The following B3GALT1 variants were observed in gnomAD, a reference collection of about 807,000 sequenced individuals.
The protein encoded by B3GALT1 is UDP-Gal:betaGlcNAc beta 1,3-galactosyltransferase, polypeptide 1.
In B3GALT1, 10 loss-of-function variants were observed where a neutral mutation model predicts 23.2. The ratio of observed to expected loss-of-function variants is 0.43; its 90% CI spans 0.27 to 0.73. The LOEUF (loss-of-function observed/expected upper bound fraction) is 0.73. Among genes scored for constraint, B3GALT1 ranks in the 30% least tolerant of loss-of-function variants. The pLI, the probability that B3GALT1 is intolerant of heterozygous loss-of-function variation, is 0.21. For missense variants in B3GALT1, 299 were observed against 405.4 expected (o/e 0.74, Z 2.25); for synonymous variants, 156 against 141.5 (o/e 1.10, Z -0.73).
At chr2:167,410,747 AAAAAT>A (rs559534820) in intron 1 of B3GALT1, among the ~76,000 whole-genome samples, 46 of 152,232 alleles carry the variant, frequency 3.0e-4, no homozygotes, top group African/African-American at 8.2e-4. Context: ...CTTAAAGTAA[AAAAAT>A]AAAATAAAAT....
intron 1 of B3GALT1, among the ~76,000 whole-genome samples, chr2:167,368,895 C>G (rs1041776604): frequency 2.0e-5 from 3 of 152,014 alleles, no homozygotes; most frequent in Non-Finnish European, 2.9e-5. Context: ...CATGCTTCCC[C>G]CCCCCATGTG....
chr2:167,613,299 G>C lies in B3GALT1; in HGVS notation c.-409-33610G>C, dbSNP rs934224136. ...CAGAAATGCCTAGTAATAGATAAAT[G>C]ATCAAGTAAAATATGGTACATTCAT... On this transcript the variant is annotated intron_variant, in intron 2 of 4. Coordinates refer to ENST00000392690, the MANE Select transcript of B3GALT1 (RefSeq NM_020981.4). Among the ~76,000 whole-genome samples, 3 of 151,932 alleles carry C rather than the reference G, an allele frequency of 2.0e-5. No individual in the cohort carries two copies. The East Asian group carries it at 5.8e-4, about 29-fold the overall frequency.
chr2:167,550,167 A>G (rs1683721057), intron 2 of B3GALT1, among the ~76,000 whole-genome samples: 1 of 152,202 alleles, frequency 6.6e-6, no homozygotes, highest in Non-Finnish European at 1.5e-5. Context: ...CCACTGAGGG[A>G]GTTGGAGAAA....
intron 3 of B3GALT1, among the ~76,000 whole-genome samples, chr2:167,693,914 TAGCTGGTCTG>T (rs1387712076): frequency 6.6e-6 from 1 of 152,146 alleles, no homozygotes; most frequent in Non-Finnish European, 1.5e-5. Context: ...TTCTACTAGT[TAGCTGGTCTG>T]AGCTGGGCAG....
intron 4 of B3GALT1, among the ~76,000 whole-genome samples, chr2:167,868,515 T>C (rs942752019): frequency 6.6e-6 from 1 of 150,974 alleles, no homozygotes; most frequent in Non-Finnish European, 1.5e-5. Context: ...AAATACGTCA[T>C]GTGAAGAGGG....
intron 1 of B3GALT1, among the ~76,000 whole-genome samples, chr2:167,329,135 G>A (rs1169705055): frequency 7.9e-5 from 12 of 152,156 alleles, no homozygotes; most frequent in African/African-American, 2.7e-4. Context: ...CTTTTTAAAT[G>A]TAGGTGTTTT....
intron 1 of B3GALT1, among the ~76,000 whole-genome samples, chr2:167,350,504 C>T (rs983913678): frequency 1.3e-5 from 2 of 152,172 alleles, no homozygotes; most frequent in Non-Finnish European, 2.9e-5. Context: ...TTGTGCTCAG[C>T]GTGGATGTGT....
At chr2:167,410,686 A>G (rs1297387045) in intron 1 of B3GALT1, among the ~76,000 whole-genome samples, 1 of 152,064 alleles carries the variant, frequency 6.6e-6, no homozygotes, top group African/African-American at 2.4e-5. Context: ...CCACCATGGC[A>G]CATATATACC....
intron 3 of B3GALT1, among the ~76,000 whole-genome samples, chr2:167,753,288 C>A (rs1021787191): frequency 1.3e-5 from 2 of 152,190 alleles, no homozygotes; most frequent in Admixed American, 6.5e-5. Flanking sequence ...TGCCCCTTAG[C>A]GGAAACTGTG....
intron 3 of B3GALT1, among the ~76,000 whole-genome samples, chr2:167,747,116 G>C (rs1020949313): frequency 3.9e-5 from 6 of 152,124 alleles, no homozygotes; most frequent in Non-Finnish European, 8.8e-5. Flanking sequence ...TTTTGCCACT[G>C]TCAGTGTTTG....
At chr2:167,668,483 T>G (rs939680667) in intron 3 of B3GALT1, among the ~76,000 whole-genome samples, 4 of 152,140 alleles carry the variant, frequency 2.6e-5, no homozygotes, top group Non-Finnish European at 5.9e-5. Flanking sequence ...TTCACCCAGT[T>G]CGAGCTTCCC....
intron 4 of B3GALT1, among the ~76,000 whole-genome samples, chr2:167,846,508 A>C (rs1574298713): frequency 2.0e-5 from 3 of 152,196 alleles, no homozygotes; most frequent in Admixed American, 2.0e-4. Flanking sequence ...TAAGCATCAT[A>C]TATGAAGGAA....
chr2:167,338,064 A>G (rs545144997), intron 1 of B3GALT1, among the ~76,000 whole-genome samples: 1 of 152,300 alleles, frequency 6.6e-6, no homozygotes, highest in East Asian at 1.9e-4. Context: ...TAGATTGAAA[A>G]GGTGATAAGA....
intron 3 of B3GALT1, among the ~76,000 whole-genome samples, chr2:167,798,990 A>C (rs566157834): frequency 1.3e-5 from 2 of 152,354 alleles, no homozygotes; most frequent in East Asian, 3.9e-4. Flanking sequence ...GTAGGGCTTC[A>C]ATAAATATTT....
chr2:167,729,791 A>G (rs1228470395), intron 3 of B3GALT1, among the ~76,000 whole-genome samples: 1 of 152,066 alleles, frequency 6.6e-6, no homozygotes, highest in Non-Finnish European at 1.5e-5. Flanking sequence ...AGCAGAACCA[A>G]AAGTCATGTG....
At chr2:167,857,583 GA>G (rs1407224584) in intron 4 of B3GALT1, among the ~76,000 whole-genome samples, 5 of 152,118 alleles carry the variant, frequency 3.3e-5, no homozygotes, top group Non-Finnish European at 7.4e-5. Context: ...AGTAGCTTGT[GA>G]ATCCAAGCAA....
intron 2 of B3GALT1, among the ~76,000 whole-genome samples, chr2:167,631,831 G>A (rs1685453499): frequency 6.9e-6 from 1 of 145,150 alleles, no homozygotes; most frequent in Non-Finnish European, 1.5e-5. Flanking sequence ...TAAGTTCCGG[G>A]ATACATGTGC....
At chr2:167,369,064 TGTGTGTGTGTGTGTGTGTG>T (rs1697638116) in intron 1 of B3GALT1, among the ~76,000 whole-genome samples, 3 of 5,878 alleles carry the variant, frequency 5.1e-4, no homozygotes, top group Non-Finnish European at 2.1e-3. Context: ...CTCTTATTTG[TGTGTGTGTGTGTGTGTGTG>T]TGTGTGTGTG....
At chr2:167,626,124 G>A (rs1685339220) in intron 2 of B3GALT1, among the ~76,000 whole-genome samples, 1 of 150,982 alleles carries the variant, frequency 6.6e-6, no homozygotes, top group African/African-American at 2.4e-5. Flanking sequence ...GAAACATGAA[G>A]TTGGTCATGA....
Sources: gnomAD v4.1 joint callset for allele counts (sites outside exome capture counted in the v4.1 genomes callset) on GRCh38, gnomAD v4.1.1 for gene constraint, MANE v1.5 for transcripts, NCBI Gene and HGNC (gene_info 2026-07-23, HGNC 2026-07-21) for gene names.